ADAMTS10: variants seen among roughly 807,000 people sequenced by gnomAD.
ADAMTS10 encodes the protein ADAM metallopeptidase with thrombospondin type 1 motif 10.
Under a neutral mutation model 135.9 loss-of-function variants are expected in ADAMTS10, and 48 were observed. The ratio of observed to expected loss-of-function variants is 0.35; its 90% CI spans 0.28 to 0.45. ADAMTS10 has a LOEUF of 0.45. ADAMTS10 is among the 20% of genes least tolerant of loss of function. The probability of loss-of-function intolerance (pLI) is 1.00; values close to 1 mark genes in which losing one functional copy is unlikely to be tolerated. For synonymous variants in ADAMTS10, 621 were observed against 647.5 expected (o/e 0.96, Z 0.62); for missense variants, 1,131 against 1,565.2 (o/e 0.72, Z 4.68).
chr19:8,588,465 C>A (rs2042469968), intron 18 of ADAMTS10, among the ~76,000 whole-genome samples: 1 of 152,036 alleles, frequency 6.6e-6, no homozygotes, highest in African/African-American at 2.4e-5. Context: ...TCACACTCTG[C>A]AACCTACTCC....
intron 6 of ADAMTS10, among the ~76,000 whole-genome samples, chr19:8,600,600 G>A (rs2042655305): frequency 6.7e-6 from 1 of 149,428 alleles, no homozygotes; most frequent in South Asian, 2.1e-4. Flanking sequence ...CCAGGTTCAC[G>A]CCATTCTCCT....
intron 23 of ADAMTS10, 46 bp from the exon 24 acceptor site, chr19:8,585,354 C>T (rs1555736725): frequency 4.6e-6 from 7 of 1,533,898 alleles, no homozygotes; most frequent in Non-Finnish European, 6.1e-6. Flanking sequence ...TGCCCCAGTG[C>T]GAAGTGAGGA....
chr19:8,605,879 C>T lies in ADAMTS10; in HGVS notation c.-99-70G>A. The T allele has an allele frequency of 1.5e-6, 2 of 1,377,020 alleles. No homozygotes were observed. Among genetic ancestry groups the T allele is most frequent in the Non-Finnish European group, 1.9e-6 (2 of 1,044,188 alleles). 85.3% of individuals were successfully genotyped at this position (1,377,020 alleles called of 1,614,324 possible). On this transcript the variant is annotated intron_variant, in intron 2 of 25. Transcript: ENST00000597188. This position sits in a 1 kb window ranked among gnomAD's most constrained non-coding sequence, Gnocchi z 7.7. ...CAGCACAACCAATGCCAAGGCCAATCATGGCCAAAGCTTTTCACCTGACTC... is the reference window on the plus strand; with the variant it reads ...CAGCACAACCAATGCCAAGGCCAATTATGGCCAAAGCTTTTCACCTGACTC...
chr19:8,581,130 CTTTTTTTT>C (rs369050914), intron 25 of ADAMTS10, 128 bp from the exon 26 acceptor site: 1,710 of 146,758 alleles, frequency 0.012, 7 homozygotes, highest in African/African-American at 0.031. Context: ...TTTAAATTTA[CTTTTTTTT>C]TTTTTTTTTT....
In ADAMTS10 at chr19:8,589,274, T is replaced by C. The variant is rs782336174; in HGVS notation, c.2126A>G (p.Glu709Gly). Residue 709 changes from glutamate (E) to glycine (G), a missense_variant, in exon 18 of 26, where the codon GAG becomes GGG. By Grantham distance (98) the Glu-to-Gly change is moderately conservative. Coordinates refer to ENST00000597188, the MANE Select transcript of ADAMTS10 (RefSeq NM_030957.4). ...GGDGSACETI[E>G]GVFSPASPGA... ...AGGTGAGGCTGGGCTGAAGACGCCC[T>C]CGATGGTCTCGCAGGCACTGCCGTC... is the stretch of plus-strand genomic sequence containing the variant. The C allele has an allele frequency of 6.2e-7, 1 of 1,612,476 alleles. No individual in the cohort carries two copies. The highest frequency in any genetic ancestry group is 2.2e-5 in the East Asian group (1 of 44,856).
Position 8,581,012 on chromosome 19 carries a change from C to T in ADAMTS10, c.3203-10G>A, listed in dbSNP as rs201074593. ...TTCACATCCTTGCACTCTGCGGGGA[C>T]GGGAGAAGGAAGGAAAAATCAGGTC... On this transcript the variant is annotated splice_polypyrimidine_tract_variant and intron_variant, in intron 25 of 25. Coordinates refer to ENST00000597188, the MANE Select transcript of ADAMTS10 (RefSeq NM_030957.4). 2 of 1,604,918 alleles carry T rather than the reference C, an allele frequency of 1.2e-6. No homozygotes were observed. Among genetic ancestry groups the T allele is most frequent in the African/African-American group, 1.3e-5 (1 of 74,664 alleles).
At position 8,587,332 on chromosome 19, in the gene ADAMTS10, C is replaced by CATT. The variant is rs1568394348; in HGVS notation, c.2159-437_2159-436insAAT. On this transcript the variant is annotated intron_variant, in intron 18 of 25. Transcript: ENST00000597188. ...CCACCACACCTGGCTAACTAAAAAA[C>CATT]CTTTTTTTTTTTTTTTTTTTTTTTG... Among the ~76,000 whole-genome samples, 8 of 92,528 alleles carry CATT rather than the reference C, an allele frequency of 8.6e-5. 1 individual carries two copies. Among genetic ancestry groups the CATT allele is most frequent in the African/African-American group, 3.0e-4 (8 of 26,790 alleles). The allele number at this position is 92,528 out of a possible 152,430, so 60.7% of individuals were successfully genotyped here. A position where few individuals can be genotyped will look rare whatever the true frequency, so the allele number is the denominator to read the frequency against.
rs2042600515 is a variant in ADAMTS10 at position 8,596,081 on chromosome 19, G to A, written c.1329C>T (p.Ser443=). 1 of 1,614,196 alleles carries A rather than the reference G, an allele frequency of 6.2e-7. No individual in the cohort carries two copies. The highest frequency in any genetic ancestry group is 8.5e-7 in the Non-Finnish European group (1 of 1,180,032). Residue 443 remains serine (S), a synonymous_variant, in exon 11 of 26, where the codon AGC becomes AGT. Transcript: ENST00000597188. The surrounding 1 kb of genome is among the most constrained non-coding windows in gnomAD (Gnocchi z 7.2). ...CCCAGGTGCATCCTCACTCTAGAAA[G>A]CTGGTGATGTAGTCACGGCTGCAGG... ...WSSCSRDYIT[S]FLDSGLGLCL...
chr19:8,596,578 T>C lies in ADAMTS10; in HGVS notation c.1048A>G (p.Ile350Val). The change falls in exon 9 of 26, where the codon ATC (isoleucine) becomes GTC (valine). Residue 350 changes from isoleucine to valine, a missense_variant. Transcript: ENST00000597188. The surrounding 1 kb of genome is among the most constrained non-coding windows in gnomAD (Gnocchi z 7.2). ...DTAVLITRYD[I>V]CIYKNKPCGT... ...CAGGGTTTGTTCTTGTAGATGCAGA[T>C]GTCATAGCTGTAAAAGGAGACAGGG... 6 of 1,613,278 alleles carry C rather than the reference T, an allele frequency of 3.7e-6. No homozygotes were observed. The highest frequency in any genetic ancestry group is 5.1e-6 in the Non-Finnish European group (6 of 1,179,994).
intron 1 of ADAMTS10, among the ~76,000 whole-genome samples, chr19:8,610,438 C>T (rs1436366740): frequency 6.6e-6 from 1 of 151,426 alleles, no homozygotes; most frequent in African/African-American, 2.4e-5. Context: ...CACACACACA[C>T]ACACACACAG....
intron 12 of ADAMTS10, chr19:8,593,579 G>A (rs555423811): frequency 3.3e-5 from 5 of 152,416 alleles, no homozygotes; most frequent in African/African-American, 1.2e-4. Flanking sequence ...CCTTCTTCCC[G>A]TCTGAATCCT....
Position 8,584,952 on chromosome 19 carries a change from T to A in ADAMTS10, c.3145A>T (p.Thr1049Ser), listed in dbSNP as rs782376436. The change falls in exon 25 of 26, where the codon ACC becomes TCC. Residue 1049 changes from threonine (T) to serine (S), a missense_variant. Transcript: ENST00000597188. ...HECTEALRPP[T>S]TQQCEAKCDS... ...CACTTGGCCTCACACTGCTGCGTGG[T>A]GGGCGGCCGCAGGGCCTCCGTGCAC... is the stretch of plus-strand genomic sequence containing the variant. 1.3e-6 allele frequency: 2 copies of A among 1,548,212 alleles called. No homozygotes were observed. The highest frequency in any genetic ancestry group is 2.4e-5 in the South Asian group (2 of 84,002).
At chr19:8,582,680 T>A (rs1263816124) in intron 25 of ADAMTS10, 1 of 151,840 alleles carries the variant, frequency 6.6e-6, no homozygotes, top group Non-Finnish European at 1.5e-5. Context: ...TTTTTTTTTT[T>A]TTTTGGTCGC....
intron 6 of ADAMTS10, 147 bp from the exon 7 acceptor site, chr19:8,597,464 TGC>T (rs1568402728): frequency 8.8e-5 from 31 of 350,454 alleles, no homozygotes; most frequent in Non-Finnish European, 5.1e-5. Flanking sequence ...GGTTTTTTGT[TGC>T]TGTTGTTGTT....
At chr19:8,584,792 C>A in intron 25 of ADAMTS10, 103 bp downstream of exon 25, 2 of 1,466,472 alleles carry the variant, frequency 1.4e-6, no homozygotes, top group East Asian at 2.5e-5. Flanking sequence ...AATGCATTTC[C>A]GAGGTTCCAG....
At chr19:8,588,346 A>C (rs1242783296) in intron 18 of ADAMTS10, among the ~76,000 whole-genome samples, 1 of 151,730 alleles carries the variant, frequency 6.6e-6, no homozygotes, top group Non-Finnish European at 1.5e-5. Context: ...TCAGCCTCCC[A>C]AAGCCCTGGG....
At chr19:8,591,407 C>T (rs1280896323) in intron 15 of ADAMTS10, among the ~76,000 whole-genome samples, 1 of 150,382 alleles carries the variant, frequency 6.6e-6, no homozygotes, top group Non-Finnish European at 1.5e-5. Flanking sequence ...CAGGAGGCAG[C>T]AGGTGCCTGG....
intron 2 of ADAMTS10, among the ~76,000 whole-genome samples, chr19:8,606,857 C>T (rs1444920065): frequency 6.6e-6 from 1 of 152,120 alleles, no homozygotes; most frequent in Non-Finnish European, 1.5e-5. Flanking sequence ...TTAGGAGTGA[C>T]AGATGACAGT....
chr19:8,604,409 G>A (rs2042697708), intron 4 of ADAMTS10, among the ~76,000 whole-genome samples: 1 of 148,158 alleles, frequency 6.7e-6, no homozygotes, highest in Non-Finnish European at 1.5e-5. Flanking sequence ...TATGTGTATA[G>A]TATGTATGTA....
Sources: gnomAD v4.1 joint callset for allele counts (sites outside exome capture counted in the v4.1 genomes callset) on GRCh38, gnomAD v4.1.1 for gene constraint, Gnocchi (gnomAD v3.1) non-coding constraint, MANE v1.5 for transcripts, NCBI Gene and HGNC (gene_info 2026-07-23, HGNC 2026-07-21) for gene names.